Variants in FER observed in about 807,000 individuals in gnomAD.
The protein encoded by FER is FER tyrosine kinase, also known as tyrosine-protein kinase Fer.
FER carries 63 observed loss-of-function variants against 111.0 expected under a neutral mutation model. That is an observed-to-expected ratio of 0.57 (90% CI 0.46 to 0.70). The LOEUF (loss-of-function observed/expected upper bound fraction) is 0.70. Among genes scored for constraint, FER ranks in the 30% least tolerant of loss-of-function variants. The pLI is 0.00. For synonymous variants in FER, 327 were observed against 313.9 expected, an observed-to-expected ratio of 1.04 and a Z score of -0.44; for missense variants, 914 against 954.0, an observed-to-expected ratio of 0.96 and a Z score of 0.55.
At chr5:109,085,741 G>A (rs1039398914) in intron 16 of FER, among the ~76,000 whole-genome samples, 9 of 151,498 alleles carry the variant, frequency 5.9e-5, no homozygotes, top group East Asian at 1.9e-4. Context: ...CCTAGTTTGC[G>A]GAGAGATTTT....
Position 108,999,513 on chromosome 5 carries a change from T to C in FER, c.1657-37909T>C, listed in dbSNP as rs188916318. Among the ~76,000 whole-genome samples, 22 of 152,302 alleles carry C rather than the reference T, an allele frequency of 1.4e-4. No homozygotes were observed. In the East Asian group the frequency reaches 3.7e-3, roughly 25 times the overall value. On this transcript the variant is annotated intron_variant, in intron 13 of 19. Transcript: ENST00000281092. ...AAACAGAACATACAGAAGATTCTTC[T>C]AGAGATGTGACGTATGTGTGAGAGT...
intron 17 of FER, among the ~76,000 whole-genome samples, chr5:109,137,695 T>C (rs953421174): frequency 6.6e-6 from 1 of 152,094 alleles, no homozygotes; most frequent in African/African-American, 2.4e-5. Flanking sequence ...GGCGGGTTGG[T>C]GTTAGTAAGA....
chr5:109,038,202 A>G (rs1400429367), intron 14 of FER, among the ~76,000 whole-genome samples: 4 of 151,930 alleles, frequency 2.6e-5, no homozygotes, highest in African/African-American at 9.7e-5. Context: ...TCCAATGAAT[A>G]AGTATTCACT....
At chr5:108,783,118 T>A (rs886436789) in intron 2 of FER, among the ~76,000 whole-genome samples, 1 of 152,188 alleles carries the variant, frequency 6.6e-6, no homozygotes, top group Non-Finnish European at 1.5e-5. Context: ...CTTTTGTTGT[T>A]GTCCCACAGG....
chr5:109,032,623 T>C (rs930123183), intron 13 of FER, among the ~76,000 whole-genome samples: 10 of 152,188 alleles, frequency 6.6e-5, no homozygotes, highest in African/African-American at 2.2e-4. Context: ...TTAATCCATC[T>C]CATTCATTTC....
chr5:108,948,040 A>G (rs1047961677), intron 11 of FER, among the ~76,000 whole-genome samples: 16 of 152,148 alleles, frequency 1.1e-4, no homozygotes, highest in Non-Finnish European at 1.5e-5. Context: ...AATCTTTAAA[A>G]TGCAACAACT....
chr5:108,869,755 A>G (rs1764429135), intron 6 of FER, among the ~76,000 whole-genome samples: 1 of 152,136 alleles, frequency 6.6e-6, no homozygotes, highest in African/African-American at 2.4e-5. Flanking sequence ...AGCCTCTGAA[A>G]TTAGAAGCGC....
At chr5:109,172,780 T>C (rs1757283871) in intron 17 of FER, among the ~76,000 whole-genome samples, 1 of 152,162 alleles carries the variant, frequency 6.6e-6, no homozygotes, top group Admixed American at 6.6e-5. Context: ...GATCAATATT[T>C]ATTTAAAATT....
At chr5:109,016,328 G>C (rs964266634) in intron 13 of FER, among the ~76,000 whole-genome samples, 1 of 151,994 alleles carries the variant, frequency 6.6e-6, no homozygotes, top group African/African-American at 2.4e-5. Context: ...AATACTGGAG[G>C]ATTAGTTTCT....
chr5:108,944,316 A>G (rs190779630), intron 10 of FER, among the ~76,000 whole-genome samples: 349 of 152,242 alleles, frequency 2.3e-3, no homozygotes, highest in African/African-American at 7.9e-3. Context: ...GTATTATTTA[A>G]TAACATTGCT....
At chr5:108,934,230 G>T (rs1561641458) in intron 10 of FER, among the ~76,000 whole-genome samples, 1 of 152,078 alleles carries the variant, frequency 6.6e-6, no homozygotes, top group Non-Finnish European at 1.5e-5. Flanking sequence ...AGTAAGCAAA[G>T]AGTTACTTTG....
chr5:108,825,327 G>A (rs939394175), intron 3 of FER, among the ~76,000 whole-genome samples: 6 of 152,144 alleles, frequency 3.9e-5, no homozygotes, highest in Non-Finnish European at 5.9e-5. Context: ...GTTCAGAGAC[G>A]TACCCCTAGG....
intron 18 of FER, among the ~76,000 whole-genome samples, chr5:109,183,173 C>T (rs1436807174): frequency 2.0e-5 from 3 of 151,884 alleles, no homozygotes; most frequent in African/African-American, 7.3e-5. Context: ...ACTCTACAAG[C>T]CTTCTCCTAG....
At chr5:108,886,703 A>G (rs1275583053) in intron 9 of FER, among the ~76,000 whole-genome samples, 1 of 151,644 alleles carries the variant, frequency 6.6e-6, no homozygotes, top group East Asian at 1.9e-4. Context: ...TAGCAGGGGT[A>G]AGTATGCCAA....
chr5:108,778,249 G>T (rs1401642410), intron 2 of FER, among the ~76,000 whole-genome samples: 1 of 152,132 alleles, frequency 6.6e-6, no homozygotes, highest in East Asian at 1.9e-4. Flanking sequence ...GAATAAATCT[G>T]CTGTAAACAT....
At chr5:108,760,188 C>A (rs997900230) in intron 1 of FER, among the ~76,000 whole-genome samples, 15 of 142,240 alleles carry the variant, frequency 1.1e-4, no homozygotes, top group African/African-American at 4.0e-4. Flanking sequence ...AGCAGTAGGT[C>A]TGAACAATGG....
At chr5:108,978,259 ATTGATCAGG>A (rs1373919033) in intron 13 of FER, among the ~76,000 whole-genome samples, 1 of 152,178 alleles carries the variant, frequency 6.6e-6, no homozygotes, top group Non-Finnish European at 1.5e-5. Flanking sequence ...TACATTACTC[ATTGATCAGG>A]TTGATACATT....
chr5:108,862,142 T>C (rs1763584030), intron 5 of FER, among the ~76,000 whole-genome samples: 1 of 152,210 alleles, frequency 6.6e-6, no homozygotes, highest in African/African-American at 2.4e-5. Flanking sequence ...ATTATTTTAA[T>C]ACAATAGATT....
chr5:109,069,753 G>A (rs187059081), intron 16 of FER, among the ~76,000 whole-genome samples: 8 of 152,098 alleles, frequency 5.3e-5, no homozygotes, highest in South Asian at 4.1e-4. Flanking sequence ...CATCATTGAC[G>A]TCCCTGTGTT....
Sources: allele counts gnomAD v4.1 joint callset (sites outside exome capture counted in the v4.1 genomes callset), GRCh38; gene constraint gnomAD v4.1.1; transcripts MANE v1.5; gene names NCBI Gene and HGNC (gene_info 2026-07-23, HGNC 2026-07-21).